Variants in GRM7 observed in about 807,000 individuals in gnomAD.
The protein encoded by GRM7 is glutamate metabotropic receptor 7.
GRM7 carries 35 observed loss-of-function variants against 84.5 expected under a neutral mutation model. The observed-to-expected ratio is 0.41, with a 90% CI of 0.32 to 0.55. GRM7 has a LOEUF of 0.55. Ranked by LOEUF, GRM7 falls within the 20% of genes least tolerant of loss-of-function variation. The pLI, the probability that GRM7 is intolerant of heterozygous loss-of-function variation, is 0.19. For synonymous variants in GRM7, 487 were observed against 455.1 expected, an observed-to-expected ratio of 1.07 and a Z score of -0.89; for missense variants, 1,003 against 1,194.6, an observed-to-expected ratio of 0.84 and a Z score of 2.36.
intron 1 of GRM7, among the ~76,000 whole-genome samples, chr3:6,974,715 T>C (rs1164229391): frequency 1.3e-5 from 2 of 152,112 alleles, no homozygotes; most frequent in Non-Finnish European, 2.9e-5. Flanking sequence ...ATCAGACATA[T>C]CAAGGGAAAG....
chr3:7,347,118 G>A (rs771974588), intron 4 of GRM7, among the ~76,000 whole-genome samples: 3 of 152,016 alleles, frequency 2.0e-5, no homozygotes, highest in Non-Finnish European at 2.9e-5. Context: ...AATCAATCCA[G>A]GTCACTTAGT....
At chr3:7,546,419 A>G (rs1693153576) in intron 7 of GRM7, among the ~76,000 whole-genome samples, 3 of 152,306 alleles carry the variant, frequency 2.0e-5, no homozygotes, top group Middle Eastern at 3.4e-3. Context: ...AACTTACCCA[A>G]TGGAGCCACC....
At chr3:7,133,954 A>G (rs771172589) in intron 1 of GRM7, among the ~76,000 whole-genome samples, 3 of 152,168 alleles carry the variant, frequency 2.0e-5, no homozygotes, top group Non-Finnish European at 4.4e-5. Context: ...GAATATGGAA[A>G]AAAGTATTTC....
intron 1 of GRM7, among the ~76,000 whole-genome samples, chr3:7,097,727 G>A (rs1482078753): frequency 6.6e-6 from 1 of 152,088 alleles, no homozygotes; most frequent in Non-Finnish European, 1.5e-5. Context: ...TTCGCTGTGA[G>A]GTCACCAGAA....
At chr3:7,259,686 C>T (rs1698335655) in intron 2 of GRM7, among the ~76,000 whole-genome samples, 1 of 152,046 alleles carries the variant, frequency 6.6e-6, no homozygotes, top group African/African-American at 2.4e-5. Flanking sequence ...TTCAGTATAC[C>T]ATCATTGGGC....
At chr3:7,254,511 C>T (rs1698126864) in intron 2 of GRM7, among the ~76,000 whole-genome samples, 1 of 152,206 alleles carries the variant, frequency 6.6e-6, no homozygotes, top group Non-Finnish European at 1.5e-5. Context: ...GCAAATATTT[C>T]CTCTTTGCTA....
intron 1 of GRM7, among the ~76,000 whole-genome samples, chr3:7,055,603 C>T (rs988391660): frequency 1.3e-5 from 2 of 151,516 alleles, no homozygotes; most frequent in African/African-American, 4.8e-5. Context: ...TCACTGCAAC[C>T]TCCACCTCCC....
intron 8 of GRM7, among the ~76,000 whole-genome samples, 181 bp from the exon 9 acceptor site, chr3:7,679,864 CAATT>C (rs1156356506): frequency 3.3e-5 from 5 of 152,308 alleles, no homozygotes; most frequent in East Asian, 1.9e-4. Flanking sequence ...AGCATTCAAT[CAATT>C]AATACATGCA....
At chr3:7,368,400 G>A (rs1052726058) in intron 4 of GRM7, among the ~76,000 whole-genome samples, 1 of 151,996 alleles carries the variant, frequency 6.6e-6, no homozygotes, top group African/African-American at 2.4e-5. Context: ...TTTTTCAGTA[G>A]TAAAATTCTT....
intron 1 of GRM7, among the ~76,000 whole-genome samples, chr3:7,133,811 G>A (rs1164170762): frequency 1.3e-5 from 2 of 152,118 alleles, no homozygotes; most frequent in African/African-American, 2.4e-5. Context: ...TAGGAAGGAG[G>A]CGGAGAGGTC....
intron 1 of GRM7, among the ~76,000 whole-genome samples, chr3:7,014,278 T>G (rs1413974579): frequency 6.6e-6 from 1 of 152,178 alleles, no homozygotes; most frequent in Admixed American, 6.6e-5. Context: ...GTAGGCAAAG[T>G]GTGACTCAGT....
chr3:7,206,635 G>C (rs905894964), intron 2 of GRM7, among the ~76,000 whole-genome samples: 2 of 152,170 alleles, frequency 1.3e-5, no homozygotes, highest in African/African-American at 4.8e-5. Context: ...TGAGGTACAA[G>C]ACAGGAGAGC....
At chr3:6,885,753 C>T (rs1314266687) in intron 1 of GRM7, among the ~76,000 whole-genome samples, 1 of 152,174 alleles carries the variant, frequency 6.6e-6, no homozygotes, top group Non-Finnish European at 1.5e-5. Context: ...CACAAATGCC[C>T]GCAGGGGCTC....
chr3:7,711,314 T>C (rs979615180), intron 9 of GRM7, among the ~76,000 whole-genome samples: 2 of 152,104 alleles, frequency 1.3e-5, no homozygotes, highest in African/African-American at 4.8e-5. Context: ...TGGGAAGGTA[T>C]TTCAGGCAGT....
At chr3:6,966,369 G>T (rs952358712) in intron 1 of GRM7, among the ~76,000 whole-genome samples, 1 of 152,186 alleles carries the variant, frequency 6.6e-6, no homozygotes, top group Admixed American at 6.5e-5. Flanking sequence ...AAGGATGCAA[G>T]GTTGGACTAG....
intron 5 of GRM7, among the ~76,000 whole-genome samples, chr3:7,419,586 C>T (rs1348382332): frequency 2.0e-5 from 3 of 152,136 alleles, no homozygotes; most frequent in Non-Finnish European, 4.4e-5. Context: ...GAAGGAGGTT[C>T]TGAGAACCTG....
At chr3:6,999,663 G>A (rs1271837188) in intron 1 of GRM7, among the ~76,000 whole-genome samples, 1 of 152,170 alleles carries the variant, frequency 6.6e-6, no homozygotes, top group Admixed American at 6.5e-5. Flanking sequence ...TACAATCATG[G>A]TGGAAGAGGA....
At chr3:7,371,425 A>G (rs2125117955) in intron 4 of GRM7, among the ~76,000 whole-genome samples, 1 of 152,302 alleles carries the variant, frequency 6.6e-6, no homozygotes, top group Non-Finnish European at 1.5e-5. Flanking sequence ...CAAAATAGAT[A>G]ATAATTGTAA....
intron 4 of GRM7, among the ~76,000 whole-genome samples, chr3:7,339,052 A>G (rs1701534924): frequency 6.6e-6 from 1 of 152,114 alleles, no homozygotes; most frequent in Non-Finnish European, 1.5e-5. Flanking sequence ...TCAAGCCACA[A>G]AGTATTATAT....
Sources: gnomAD v4.1 joint callset for allele counts (sites outside exome capture counted in the v4.1 genomes callset) on GRCh38, gnomAD v4.1.1 for gene constraint, MANE v1.5 for transcripts, NCBI Gene and HGNC (gene_info 2026-07-23, HGNC 2026-07-21) for gene names.